The following PLEKHA5 variants were observed in gnomAD, a reference collection of about 807,000 sequenced individuals.
PLEKHA5 encodes the protein pleckstrin homology domain-containing family A member 5.
PLEKHA5 carries 55 observed loss-of-function variants against 181.9 expected under a neutral mutation model. The ratio of observed to expected loss-of-function variants is 0.30; its 90% CI spans 0.24 to 0.38. The LOEUF is 0.38. PLEKHA5 is among the 10% of genes least tolerant of loss of function. PLEKHA5 has a pLI of 1.00. For synonymous variants in PLEKHA5, 535 were observed against 529.4 expected, an observed-to-expected ratio of 1.01 and a Z score of -0.15; for missense variants, 1,432 against 1,549.5, an observed-to-expected ratio of 0.92 and a Z score of 1.27.
intron 21 of PLEKHA5, among the ~76,000 whole-genome samples, chr12:19,337,210 G>T (rs1228248270): frequency 6.6e-6 from 1 of 151,758 alleles, no homozygotes; most frequent in Non-Finnish European, 1.5e-5. Context: ...TAAGCAAACA[G>T]ATCTGAGACC....
intron 3 of PLEKHA5, among the ~76,000 whole-genome samples, chr12:19,163,806 G>T (rs2043574113): frequency 6.6e-6 from 1 of 151,924 alleles, no homozygotes; most frequent in Non-Finnish European, 1.5e-5. Flanking sequence ...TCTTTAAATG[G>T]CCCCTAACCT....
At chr12:19,275,490 C>T (rs578068648) in intron 11 of PLEKHA5, among the ~76,000 whole-genome samples, 15 of 152,246 alleles carry the variant, frequency 9.9e-5, no homozygotes, top group African/African-American at 2.4e-4. Context: ...CAAGGCCAGG[C>T]GCAGTTTTTC....
chr12:19,176,041 T>C lies in PLEKHA5; in HGVS notation c.227+43591T>C, dbSNP rs759168732. ...TAATTCTGTTTCTGGGTCTAGATGT[T>C]AAAAAAAATTAAATAACCTTCAAAA... On this transcript the variant is annotated intron_variant, in intron 3 of 31. Transcript: ENST00000429027. Among the ~76,000 whole-genome samples, 134 of 151,868 alleles carry C rather than the reference T, an allele frequency of 8.8e-4. 2 individuals carry two copies. The highest frequency in any genetic ancestry group is 1.9e-4 in the Non-Finnish European group (13 of 67,944).
intron 3 of PLEKHA5, among the ~76,000 whole-genome samples, chr12:19,183,772 G>C (rs1204831821): frequency 6.6e-6 from 1 of 152,086 alleles, no homozygotes; most frequent in Admixed American, 6.5e-5. Flanking sequence ...GGAGCACAGT[G>C]GCGTGATCTT....
chr12:19,337,231 G>T (rs1196075275), intron 21 of PLEKHA5, among the ~76,000 whole-genome samples: 1 of 151,622 alleles, frequency 6.6e-6, no homozygotes, highest in South Asian at 2.1e-4. Context: ...TAGTTCCAAG[G>T]GTTAGTTTTC....
chr12:19,363,468 T>G (rs1237010887), intron 29 of PLEKHA5, among the ~76,000 whole-genome samples: 1 of 150,654 alleles, frequency 6.6e-6, no homozygotes, highest in Non-Finnish European at 1.5e-5. Context: ...TGCCTGGCCA[T>G]TTTTAGCTAT....
chr12:19,303,477 G>A (rs567525729), intron 15 of PLEKHA5: 1 of 152,242 alleles, frequency 6.6e-6, no homozygotes, highest in African/African-American at 2.4e-5. Flanking sequence ...AGCTACTAAA[G>A]TAGCTGGCAC....
At chr12:19,279,868 C>T (rs1470300927) in intron 11 of PLEKHA5, among the ~76,000 whole-genome samples, 1 of 151,654 alleles carries the variant, frequency 6.6e-6, no homozygotes, top group East Asian at 1.9e-4. Flanking sequence ...CACTATATCC[C>T]CTCTGGATGC....
At chr12:19,276,370 G>A (rs1455042904) in intron 11 of PLEKHA5, among the ~76,000 whole-genome samples, 1 of 152,198 alleles carries the variant, frequency 6.6e-6, no homozygotes, top group Non-Finnish European at 1.5e-5. Flanking sequence ...GCTTTGATGT[G>A]CTTGATTGCA....
At chr12:19,218,548 A>G (rs887846574) in intron 3 of PLEKHA5, among the ~76,000 whole-genome samples, 18 of 152,210 alleles carry the variant, frequency 1.2e-4, no homozygotes, top group African/African-American at 4.3e-4. Flanking sequence ...ATAAGAACAT[A>G]TTAGTCTGTA....
In PLEKHA5 at chr12:19,269,816, G is replaced by C. The variant is rs763115261; in HGVS notation, c.758G>C (p.Gly253Ala). Residue 253 changes from glycine (G) to alanine (A), a missense_variant, in exon 9 of 32, where the codon GGA becomes GCA. Around this residue, in one of 2 missense-constraint regions of PLEKHA5, gnomAD observed 289 missense variants for 381.1 expected, o/e 0.76. Coordinates refer to ENST00000429027, the MANE Select transcript of PLEKHA5 (RefSeq NM_001256470.2). ...MRTYYFCTDT[G>A]KEMELWMKAM... ...ACCTATTATTTCTGCACTGATACAG[G>C]AAAGGAAATGGAGTTGTGGATGAAA... The C allele has an allele frequency of 6.2e-7, 1 of 1,611,862 alleles. No individual in the cohort carries two copies. The highest frequency in any genetic ancestry group is 1.7e-5 in the Admixed American group (1 of 60,008).
At chr12:19,156,442 G>A (rs1051757065) in intron 3 of PLEKHA5, among the ~76,000 whole-genome samples, 1 of 151,830 alleles carries the variant, frequency 6.6e-6, no homozygotes, top group African/African-American at 2.4e-5. Context: ...TAGTAAGAAA[G>A]GAGGCAAAAG....
chr12:19,320,705 A>T, intron 18 of PLEKHA5, 81 bp downstream of exon 18: 1 of 636,920 alleles, frequency 1.6e-6, no homozygotes, highest in Non-Finnish European at 2.7e-6. Flanking sequence ...TGACCAAAAA[A>T]CTTCTTTCTC....
chr12:19,348,507 T>C lies in PLEKHA5; in HGVS notation c.3007T>C (p.Ser1003Pro), dbSNP rs1448371167. 6.4e-7 allele frequency: 1 copy of C among 1,573,356 alleles called. No homozygotes were observed. Among genetic ancestry groups the C allele is most frequent in the African/African-American group, 1.4e-5 (1 of 72,144 alleles). ...KSEPVSEIET[S>P]VVKGSHFPVG... ...AGAACCTGTTTCAGAGATAGAAACT[T>C]CAGTTGTTAAAGGTCAGCATTTGTA... is the stretch of plus-strand genomic sequence containing the variant. Residue 1003 changes from serine to proline, a missense_variant, in exon 25 of 32, where the codon TCA (serine) becomes CCA (proline). Around this residue, in one of 2 missense-constraint regions of PLEKHA5, gnomAD observed 1,143 missense variants for 1,168.4 expected, o/e 0.98. Coordinates refer to ENST00000429027, the MANE Select transcript of PLEKHA5 (RefSeq NM_001256470.2).
chr12:19,250,275 G>A (rs925300033), intron 3 of PLEKHA5, among the ~76,000 whole-genome samples: 5 of 152,128 alleles, frequency 3.3e-5, no homozygotes, highest in African/African-American at 1.2e-4. Context: ...TGTGACCATA[G>A]GTATGTATTA....
At chr12:19,251,069 G>A (rs903192958) in intron 3 of PLEKHA5, among the ~76,000 whole-genome samples, 2 of 152,136 alleles carry the variant, frequency 1.3e-5, no homozygotes, top group Non-Finnish European at 2.9e-5. Flanking sequence ...TTCAGCATGT[G>A]AATTATTGGG....
intron 3 of PLEKHA5, among the ~76,000 whole-genome samples, chr12:19,173,401 T>C (rs1228009446): frequency 2.0e-5 from 3 of 152,154 alleles, no homozygotes; most frequent in Non-Finnish European, 2.9e-5. Flanking sequence ...ACAGCTTTAA[T>C]TTCTTTTTAT....
rs188569136 is a variant in PLEKHA5, at chr12:19,199,588, G to A, written c.228-54352G>A. Among the ~76,000 whole-genome samples, 7 of 152,236 alleles carry A rather than the reference G, an allele frequency of 4.6e-5. No homozygotes were observed. In the East Asian group the frequency reaches 1.4e-3, roughly 29 times the overall value. On this transcript the variant is annotated intron_variant, in intron 3 of 31. Transcript: ENST00000429027. ...AGTGTGATCTTAGGAGCTTGCAGTT[G>A]CTCAGTAGCCAACCACACTTAGAAA...
rs1385294563 is a variant in PLEKHA5 at position 19,190,276 on chromosome 12, G to A, written c.227+57826G>A. ...GGAAAACTTCCTTATGGATAATAAT[G>A]CCTTTCTCTTGAAGCATTGCAAACA... On this transcript the variant is annotated intron_variant, in intron 3 of 31. Coordinates refer to ENST00000429027, the MANE Select transcript of PLEKHA5 (RefSeq NM_001256470.2). Among the ~76,000 whole-genome samples, 12 of 152,316 alleles carry A rather than the reference G, an allele frequency of 7.9e-5. No individual in the cohort carries two copies. The East Asian group carries it at 2.3e-3, about 29-fold the overall frequency.
Sources: gnomAD v4.1 joint callset for allele counts (sites outside exome capture counted in the v4.1 genomes callset) on GRCh38, gnomAD v4.1.1 for gene constraint, gnomAD v4.1.1 regional missense constraint, MANE v1.5 for transcripts, NCBI Gene and HGNC (gene_info 2026-07-23, HGNC 2026-07-21) for gene names.